SUCO: variants seen among roughly 807,000 people sequenced by gnomAD.
SUCO encodes SUN domain containing ossification factor.
Under a neutral mutation model 148.1 loss-of-function variants are expected in SUCO, and 57 were observed. The ratio of observed to expected loss-of-function variants is 0.38; its 90% CI spans 0.31 to 0.48. SUCO has a LOEUF of 0.48. Ranked by LOEUF, SUCO falls within the 20% of genes least tolerant of loss-of-function variation. The probability of loss-of-function intolerance (pLI) is 0.96; values close to 1 mark genes in which losing one functional copy is unlikely to be tolerated. For missense variants in SUCO, 1,331 were observed against 1,468.2 expected, an observed-to-expected ratio of 0.91 and a Z score of 1.53; for synonymous variants, 470 against 502.7, an observed-to-expected ratio of 0.93 and a Z score of 0.87.
rs1558218801 is a variant in SUCO, at chr1:172,608,735, T to C, written c.3266-12T>C. ...ACATTTTACATCTGCTTTTTTTTTT[T>C]TTTACTTACAGTAGACCCAAATGAT... is the stretch of plus-strand genomic sequence containing the variant. On this transcript the variant is annotated splice_polypyrimidine_tract_variant and intron_variant, in intron 22 of 23. Transcript: ENST00000263688. The C allele has an allele frequency of 1.9e-5, 29 of 1,561,246 alleles. No individual in the cohort carries two copies. Among genetic ancestry groups the C allele is most frequent in the Admixed American group, 3.7e-5 (2 of 53,704 alleles).
intron 11 of SUCO, among the ~76,000 whole-genome samples, chr1:172,576,012 C>A (rs182644341): frequency 3.2e-4 from 48 of 151,982 alleles, no homozygotes; most frequent in Middle Eastern, 3.4e-3. Flanking sequence ...TAGACCATTT[C>A]ATCTTTAACG....
chr1:172,604,977 C>T (rs772474598), intron 22 of SUCO, among the ~76,000 whole-genome samples: 1 of 151,696 alleles, frequency 6.6e-6, no homozygotes, highest in Non-Finnish European at 1.5e-5. Flanking sequence ...TAGTGCTGTT[C>T]AGGGGTATAC....
intron 4 of SUCO, chr1:172,556,781 A>T: frequency 2.7e-5 from 26 of 951,144 alleles, no homozygotes; most frequent in Non-Finnish European, 3.3e-5. Flanking sequence ...ATTCAGAAGG[A>T]ATTTAAGGCT....
chr1:172,544,210 A>G (rs1652703645), intron 1 of SUCO: 5 of 812,754 alleles, frequency 6.2e-6, no homozygotes, highest in Non-Finnish European at 7.4e-6. Flanking sequence ...ATTTATGTTT[A>G]AGAAGCAATT....
At chr1:172,569,319 C>T in intron 7 of SUCO, 177 bp downstream of exon 7, 1 of 794,414 alleles carries the variant, frequency 1.3e-6, no homozygotes, top group Non-Finnish European at 1.5e-6. Context: ...TATATAATTA[C>T]ATACAGTTTT....
At position 172,545,071 on chromosome 1, in the gene SUCO, G is replaced by A. The variant is rs148939419; in HGVS notation, c.63-6441G>A. On this transcript the variant is annotated intron_variant, in intron 1 of 23. Transcript: ENST00000263688. ...GGGTGAAGGCAAAGGAGTAGTCACA[G>A]GTGTTTTTCAGGTTTCTAGTTTGAG... Among the ~76,000 whole-genome samples the A allele has an allele frequency of 2.2e-3, 337 of 152,290 alleles. 3 individuals are homozygous for A. Among genetic ancestry groups the A allele is most frequent in the African/African-American group, 7.9e-3 (330 of 41,564 alleles).
At chr1:172,572,388 C>G (rs150443228) in intron 9 of SUCO, among the ~76,000 whole-genome samples, 1 of 151,902 alleles carries the variant, frequency 6.6e-6, no homozygotes, top group Non-Finnish European at 1.5e-5. Flanking sequence ...TCCTGTTGAT[C>G]GGTGACCCTA....
chr1:172,575,677 C>T, intron 11 of SUCO, 54 bp downstream of exon 11: 1 of 1,224,890 alleles, frequency 8.2e-7, no homozygotes, highest in Non-Finnish European at 1.2e-6. Context: ...ACGTGTTATT[C>T]ACACTTTATA....
chr1:172,598,080 A>G (rs1346668860), intron 19 of SUCO, among the ~76,000 whole-genome samples: 5 of 152,184 alleles, frequency 3.3e-5, no homozygotes, highest in Middle Eastern at 3.2e-3. Flanking sequence ...TATTAGGCCC[A>G]TGATTCATTT....
intron 3 of SUCO, among the ~76,000 whole-genome samples, chr1:172,555,545 G>A (rs2149231950): frequency 6.6e-6 from 1 of 152,266 alleles, no homozygotes; most frequent in Non-Finnish European, 1.5e-5. Flanking sequence ...TGTCCATAGG[G>A]TTTCTTTGTT....
intron 9 of SUCO, among the ~76,000 whole-genome samples, chr1:172,571,746 G>C (rs12742452): frequency 1 from 22,048 of 22,050 alleles, 11,023 homozygotes; most frequent in Middle Eastern, 1. Flanking sequence ...CTCTACCCGG[G>C]CGCGACCCCG....
chr1:172,551,630 C>G lies in SUCO; in HGVS notation c.177+4C>G. On this transcript the variant is annotated splice_donor_region_variant and intron_variant, in intron 2 of 23. Coordinates refer to ENST00000263688, the MANE Select transcript of SUCO (RefSeq NM_014283.5). ...AGATGTACAATTCCAGAAAAAGGTG[C>G]CTTAAATAAAGTTAACATTATAATT... 6.4e-7 allele frequency: 1 copy of G among 1,564,862 alleles called. No individual in the cohort carries two copies. Among genetic ancestry groups the G allele is most frequent in the Non-Finnish European group, 8.8e-7 (1 of 1,141,340 alleles).
chr1:172,558,936 C>T (rs527593212), intron 6 of SUCO, among the ~76,000 whole-genome samples: 3 of 152,218 alleles, frequency 2.0e-5, no homozygotes, highest in South Asian at 2.1e-4. Context: ...CTATGCTAAT[C>T]GGCAAAAGAG....
intron 1 of SUCO, among the ~76,000 whole-genome samples, chr1:172,550,170 C>G (rs1421020284): frequency 6.6e-6 from 1 of 151,882 alleles, no homozygotes; most frequent in South Asian, 2.1e-4. Context: ...GATCTAGCCC[C>G]TCATATAAGA....
chr1:172,583,368 T>G (rs1407278294), intron 15 of SUCO, among the ~76,000 whole-genome samples: 1 of 152,294 alleles, frequency 6.6e-6, no homozygotes, highest in African/African-American at 2.4e-5. Flanking sequence ...GTTACAGTAA[T>G]GATTAGAAAC....
intron 6 of SUCO, among the ~76,000 whole-genome samples, chr1:172,561,611 A>G (rs1321511035): frequency 6.6e-6 from 1 of 152,204 alleles, no homozygotes; most frequent in Non-Finnish European, 1.5e-5. Flanking sequence ...AATAAGGACA[A>G]GAGAGGTGTT....
chr1:172,578,417 A>C, intron 14 of SUCO, 28 bp downstream of exon 14: 1 of 1,585,724 alleles, frequency 6.3e-7, no homozygotes. Context: ...GATGACTGTT[A>C]GGTATATTTT....
At chr1:172,575,690 C>T (rs1373220779) in intron 11 of SUCO, 67 bp downstream of exon 11, 7 of 1,056,196 alleles carry the variant, frequency 6.6e-6, no homozygotes, top group African/African-American at 1.6e-5. Flanking sequence ...ACTTTATACA[C>T]CTCATCTTTT....
intron 19 of SUCO, among the ~76,000 whole-genome samples, chr1:172,591,596 A>G (rs1470735549): frequency 6.6e-6 from 1 of 152,080 alleles, no homozygotes; most frequent in Non-Finnish European, 1.5e-5. Context: ...ATGTCCCTGC[A>G]AAGGACATGA....
Sources: allele counts gnomAD v4.1 joint callset (sites outside exome capture counted in the v4.1 genomes callset), GRCh38; gene constraint gnomAD v4.1.1; transcripts MANE v1.5; gene names NCBI Gene and HGNC (gene_info 2026-07-23, HGNC 2026-07-21).